The following FAM135A variants were observed in gnomAD, a reference collection of about 807,000 sequenced individuals.
The protein encoded by FAM135A is family with sequence similarity 135 member A, also known as protein FAM135A.
A neutral mutation model predicts 146.8 loss-of-function variants in FAM135A; 79 were observed. That is an observed-to-expected ratio of 0.54 (90% CI 0.45 to 0.65). The LOEUF (loss-of-function observed/expected upper bound fraction) is 0.65. Among genes scored for constraint, FAM135A ranks in the 30% least tolerant of loss-of-function variants. FAM135A has a pLI of 0.00. For synonymous variants in FAM135A, 562 were observed against 603.6 expected (o/e 0.93, Z 1.01); for missense variants, 1,623 against 1,758.2 (o/e 0.92, Z 1.38).
At chr6:70,435,748 A>C (rs1772963586) in intron 4 of FAM135A, among the ~76,000 whole-genome samples, 1 of 152,210 alleles carries the variant, frequency 6.6e-6, no homozygotes, top group Non-Finnish European at 1.5e-5. Flanking sequence ...TGTTAAACTT[A>C]TGGAAGATTT....
At chr6:70,513,338 T>C (rs1178543035) in intron 12 of FAM135A, 1 of 151,578 alleles carries the variant, frequency 6.6e-6, no homozygotes, top group East Asian at 1.9e-4. Context: ...GGTTTTCTGG[T>C]TTTTATTGGA....
At chr6:70,520,603 T>A (rs968394153) in intron 12 of FAM135A, among the ~76,000 whole-genome samples, 4 of 152,190 alleles carry the variant, frequency 2.6e-5, no homozygotes, top group Admixed American at 2.6e-4. Context: ...AGTTTTTTTT[T>A]AATTGGGCAC....
At chr6:70,508,342 C>CT (rs1790258771) in intron 12 of FAM135A, among the ~76,000 whole-genome samples, 1 of 152,186 alleles carries the variant, frequency 6.6e-6, no homozygotes, top group South Asian at 2.1e-4. Context: ...AGAATTGTCT[C>CT]TCAACAGTAT....
In FAM135A at chr6:70,464,667, CTTTTTTT is replaced by C. The variant is rs533623758; in HGVS notation, c.158-10733_158-10727del. Among the ~76,000 whole-genome samples the C allele has an allele frequency of 4.2e-3, 421 of 99,346 alleles. 3 individuals carry two copies. The highest frequency in any genetic ancestry group is 0.015 in the African/African-American group (400 of 25,848). The allele number at this position is 99,346 out of a possible 152,430, so 65.2% of individuals were successfully genotyped here. A position where few individuals can be genotyped will look rare whatever the true frequency, so the allele number is the denominator to read the frequency against. On this transcript the variant is annotated intron_variant, in intron 5 of 21. Transcript: ENST00000418814. The stretch of plus-strand genomic sequence containing the variant: ...CTTTCTTTCTTTCTTTCTTTTTTTT[CTTTTTTT>C]TTTTTTTTTGAGACAGTCTCACTTT...
chr6:70,427,002 C>G (rs1490523632), intron 3 of FAM135A, among the ~76,000 whole-genome samples: 1 of 152,128 alleles, frequency 6.6e-6, no homozygotes, highest in Non-Finnish European at 1.5e-5. Flanking sequence ...TATGTCTCTG[C>G]TTGTGAGACG....
chr6:70,495,645 A>AT (rs1207495257), intron 11 of FAM135A, among the ~76,000 whole-genome samples: 17 of 152,154 alleles, frequency 1.1e-4, no homozygotes, highest in Middle Eastern at 6.8e-3. Flanking sequence ...TTTATTTTTT[A>AT]TTTTTATTAT....
chr6:70,526,795 A>G, intron 15 of FAM135A, 97 bp downstream of exon 15: 1 of 831,210 alleles, frequency 1.2e-6, no homozygotes, highest in Non-Finnish European at 1.8e-6. Context: ...ACACACACAC[A>G]CACACACATA....
At chr6:70,558,702 C>CT (rs1245890162) in intron 21 of FAM135A, among the ~76,000 whole-genome samples, 3 of 152,006 alleles carry the variant, frequency 2.0e-5, no homozygotes, top group Non-Finnish European at 4.4e-5. Context: ...TGTGTGGTCC[C>CT]AGCTACTTGG....
chr6:70,534,968 G>A (rs902928290), intron 18 of FAM135A, among the ~76,000 whole-genome samples: 3 of 152,232 alleles, frequency 2.0e-5, no homozygotes, highest in African/African-American at 7.2e-5. Context: ...TTATTTTCTT[G>A]TTGTAATTAT....
At chr6:70,549,909 T>C (rs1447364225) in intron 20 of FAM135A, among the ~76,000 whole-genome samples, 1 of 152,204 alleles carries the variant, frequency 6.6e-6, no homozygotes, top group Non-Finnish European at 1.5e-5. Context: ...CTTTTTCAAC[T>C]CTTTATGTAA....
chr6:70,541,867 T>G (rs1797988553), intron 20 of FAM135A, among the ~76,000 whole-genome samples: 3 of 152,224 alleles, frequency 2.0e-5, no homozygotes, highest in Admixed American at 1.3e-4. Flanking sequence ...TGTTCTTGAC[T>G]CTGCTTTCTT....
chr6:70,515,680 G>GTA (rs1469265525), intron 12 of FAM135A, among the ~76,000 whole-genome samples: 2 of 151,968 alleles, frequency 1.3e-5, no homozygotes, highest in African/African-American at 4.8e-5. Flanking sequence ...TACTGTAATG[G>GTA]TATATATATG....
chr6:70,529,606 A>C (rs867645846), intron 16 of FAM135A, among the ~76,000 whole-genome samples: 1 of 152,118 alleles, frequency 6.6e-6, no homozygotes, highest in Non-Finnish European at 1.5e-5. Flanking sequence ...AATTTTAAGA[A>C]GCAAATTATC....
rs1800882525 is a variant in FAM135A, at chr6:70,556,589, AGAAC to A, written c.4229-160_4229-157del. On this transcript the variant is annotated intron_variant, in intron 20 of 21. Coordinates refer to ENST00000418814, the MANE Select transcript of FAM135A (RefSeq NM_001162529.3). ...AACAGTGAGGTGGGTTTTTTTGTAG[AGAAC>A]ATACAGAAATTTGGAGAAAGGATCA... The A allele has an allele frequency of 7.5e-6, 4 of 530,252 alleles. No individual in the cohort carries two copies. The South Asian group carries it at 1.3e-4, about 17-fold the overall frequency. The allele number at this position is 530,252 out of a possible 1,614,324, so 32.8% of individuals were successfully genotyped here.
chr6:70,527,281 T>C (rs894390548), intron 15 of FAM135A, among the ~76,000 whole-genome samples: 5 of 152,112 alleles, frequency 3.3e-5, no homozygotes, highest in Non-Finnish European at 7.4e-5. Flanking sequence ...GATACAGGTT[T>C]ACCAGCGTGC....
chr6:70,450,713 G>GTTTTTTTTTTT (rs1192559967), intron 4 of FAM135A, among the ~76,000 whole-genome samples: 4 of 29,842 alleles, frequency 1.3e-4, no homozygotes, highest in Non-Finnish European at 3.9e-4. Flanking sequence ...GACCCTTTTA[G>GTTTTTTTTTTT]TTGTTTTTTT....
rs147626858 is a variant in FAM135A at position 70,525,862 on chromosome 6, A to G, written c.2778A>G (p.Ser926=). 1.6e-4 allele frequency: 263 copies of G among 1,611,376 alleles called. 1 individual carries two copies. Among genetic ancestry groups the G allele is most frequent in the Non-Finnish European group, 3.6e-5 (43 of 1,179,140 alleles). The change falls in exon 15 of 22, where the codon TCA becomes TCG. Residue 926 remains serine (S), a synonymous_variant. Coordinates refer to ENST00000418814, the MANE Select transcript of FAM135A (RefSeq NM_001162529.3). ...SIKDPLQFVF[S]DEETSSDVKS... is the part of the protein sequence containing the mutation. Reference sequence around the variant, plus strand: ...AAGACCCTTTACAATTTGTTTTTTCAGATGAAGAGACTTCCAGTGATGTGA... The same window carrying G: ...AAGACCCTTTACAATTTGTTTTTTCGGATGAAGAGACTTCCAGTGATGTGA...
intron 5 of FAM135A, among the ~76,000 whole-genome samples, chr6:70,470,150 G>A (rs899533671): frequency 6.6e-6 from 1 of 152,150 alleles, no homozygotes; most frequent in East Asian, 1.9e-4. Flanking sequence ...ATCATTAGTG[G>A]TTTTGATAAG....
intron 20 of FAM135A, among the ~76,000 whole-genome samples, chr6:70,542,168 C>T (rs1350466036): frequency 6.6e-6 from 1 of 152,000 alleles, no homozygotes; most frequent in Admixed American, 6.6e-5. Flanking sequence ...GTGGTATTCA[C>T]AGTGAAGTTT....
Sources: allele counts gnomAD v4.1 joint callset (sites outside exome capture counted in the v4.1 genomes callset), GRCh38; gene constraint gnomAD v4.1.1; transcripts MANE v1.5; gene names NCBI Gene and HGNC (gene_info 2026-07-23, HGNC 2026-07-21).